Variants in OTUD7A observed in about 807,000 individuals in gnomAD.
OTUD7A encodes the protein OTU deubiquitinase 7A.
Under a neutral mutation model 65.7 loss-of-function variants are expected in OTUD7A, and 12 were observed. The observed-to-expected ratio is 0.18, with a 90% CI of 0.12 to 0.30. OTUD7A has a LOEUF of 0.30. OTUD7A is among the 10% of genes least tolerant of loss of function. The pLI is 1.00. For synonymous variants in OTUD7A, 641 were observed against 586.3 expected, an observed-to-expected ratio of 1.09 and a Z score of -1.35; for missense variants, 1,148 against 1,304.8, an observed-to-expected ratio of 0.88 and a Z score of 1.85.
intron 1 of OTUD7A, among the ~76,000 whole-genome samples, chr15:31,771,745 G>T (rs957542218): frequency 4.6e-5 from 7 of 152,112 alleles, no homozygotes; most frequent in Non-Finnish European, 7.4e-5. Flanking sequence ...TCACTAGCAT[G>T]GCTTCAAAGC....
Position 31,483,493 on chromosome 15 carries a change from C to A in OTUD7A, c.2603G>T (p.Gly868Val), listed in dbSNP as rs1390104779. The A allele has an allele frequency of 1.4e-6, 2 of 1,396,992 alleles. No homozygotes were observed. Among genetic ancestry groups the A allele is most frequent in the Non-Finnish European group, 1.9e-6 (2 of 1,073,738 alleles). 86.5% of individuals were successfully genotyped at this position (1,396,992 alleles called of 1,614,324 possible). ...CGCGTCGGCGTCGGCGAACTCCAGG[C>A]CGTCGCGCAGGGCGCCGAAGCCGTT... ...YTNGFGALRD[G>V]LEFADADAPT... The change falls in exon 13 of 13, where the codon GGC (glycine) becomes GTC (valine). Residue 868 changes from glycine to valine, a missense_variant. By Grantham distance (109) the Gly-to-Val change is moderately radical. Transcript: ENST00000307050.
At chr15:31,777,458 G>A (rs896480620) in intron 1 of OTUD7A, among the ~76,000 whole-genome samples, 10 of 152,336 alleles carry the variant, frequency 6.6e-5, no homozygotes, top group African/African-American at 2.4e-4. Flanking sequence ...ACCTTCATGT[G>A]GACCCTGGAT....
chr15:31,516,456 C>T (rs1383853219), intron 8 of OTUD7A, among the ~76,000 whole-genome samples: 1 of 152,154 alleles, frequency 6.6e-6, no homozygotes, highest in Non-Finnish European at 1.5e-5. Context: ...TAATGATGTT[C>T]CCTACTTGCT....
intron 8 of OTUD7A, among the ~76,000 whole-genome samples, chr15:31,507,904 T>C (rs1190919408): frequency 6.6e-6 from 1 of 152,156 alleles, no homozygotes; most frequent in Non-Finnish European, 1.5e-5. Context: ...CACCTCTCAG[T>C]AGGAGCAGAA....
At chr15:31,817,277 C>CT (rs924007348) in intron 1 of OTUD7A, among the ~76,000 whole-genome samples, 3 of 145,110 alleles carry the variant, frequency 2.1e-5, no homozygotes, top group African/African-American at 7.6e-5. Flanking sequence ...GATCATTTGC[C>CT]CCCCCCCATC....
chr15:31,675,293 A>G (rs35206410), intron 1 of OTUD7A, among the ~76,000 whole-genome samples: 3 of 152,124 alleles, frequency 2.0e-5, no homozygotes, highest in Admixed American at 2.0e-4. Flanking sequence ...GTGGGGTTCT[A>G]GAGATGCCAT....
chr15:31,632,617 G>A (rs1302052516), intron 3 of OTUD7A, among the ~76,000 whole-genome samples: 1 of 152,250 alleles, frequency 6.6e-6, no homozygotes, highest in African/African-American at 2.4e-5. Flanking sequence ...ATCTCCAGCT[G>A]TGTGCTGGGA....
chr15:31,734,445 A>G (rs1383735308), intron 1 of OTUD7A, among the ~76,000 whole-genome samples: 3 of 152,252 alleles, frequency 2.0e-5, no homozygotes, highest in Non-Finnish European at 2.9e-5. Context: ...CTGAATAGCC[A>G]AGATAATCAT....
chr15:31,815,766 T>G (rs1896533048), intron 1 of OTUD7A, among the ~76,000 whole-genome samples: 1 of 152,342 alleles, frequency 6.6e-6, no homozygotes, highest in South Asian at 2.1e-4. Flanking sequence ...GGGGTTGTTT[T>G]GAAAGTTGTG....
chr15:31,756,439 G>A (rs1340524876), intron 1 of OTUD7A, among the ~76,000 whole-genome samples: 1 of 152,272 alleles, frequency 6.6e-6, no homozygotes, highest in East Asian at 1.9e-4. Context: ...TTGCCACTGT[G>A]GTCCCAGAGA....
intron 1 of OTUD7A, among the ~76,000 whole-genome samples, chr15:31,842,107 C>T (rs1462759930): frequency 6.6e-6 from 1 of 152,112 alleles, no homozygotes; most frequent in Admixed American, 6.5e-5. Context: ...GAATCTCACA[C>T]ACATAATATT....
intron 5 of OTUD7A, among the ~76,000 whole-genome samples, chr15:31,541,748 C>T (rs534879568): frequency 3.9e-5 from 6 of 152,092 alleles, no homozygotes; most frequent in Admixed American, 2.6e-4. Flanking sequence ...CATAAGAACT[C>T]GAAAAAAGGC....
rs146571367 is a variant in OTUD7A at position 31,655,872 on chromosome 15, C to T, written c.-4-622G>A. ...AGTTGCTAGATTTCTAATCCTCTTC[C>T]GAATTGTATAGACTTGTAATACTTC... On this transcript the variant is annotated intron_variant, in intron 2 of 12. Transcript: ENST00000307050. Among the ~76,000 whole-genome samples the T allele has an allele frequency of 8.3e-4, 126 of 152,286 alleles. 1 individual carries two copies. Among genetic ancestry groups the T allele is most frequent in the African/African-American group, 2.9e-3 (120 of 41,542 alleles).
intron 3 of OTUD7A, among the ~76,000 whole-genome samples, chr15:31,621,944 T>C (rs1166102783): frequency 6.6e-6 from 1 of 152,234 alleles, no homozygotes; most frequent in African/African-American, 2.4e-5. Flanking sequence ...TCAGGAGCTC[T>C]TGTAGGGCAG....
intron 1 of OTUD7A, among the ~76,000 whole-genome samples, chr15:31,832,355 A>G (rs780564147): frequency 6.6e-5 from 10 of 152,216 alleles, no homozygotes; most frequent in Non-Finnish European, 1.5e-4. Flanking sequence ...ACACTACATC[A>G]CAATACAGAA....
At chr15:31,739,306 G>C (rs1212769616) in intron 1 of OTUD7A, among the ~76,000 whole-genome samples, 1 of 152,062 alleles carries the variant, frequency 6.6e-6, no homozygotes, top group Non-Finnish European at 1.5e-5. Flanking sequence ...CCAGTCCAAT[G>C]CTAAAAGTAT....
intron 1 of OTUD7A, among the ~76,000 whole-genome samples, chr15:31,850,904 A>G (rs1897408657): frequency 2.0e-5 from 3 of 152,224 alleles, no homozygotes; most frequent in Admixed American, 2.0e-4. Context: ...AAACAAAAGC[A>G]GCAGTAATTC....
intron 2 of OTUD7A, among the ~76,000 whole-genome samples, chr15:31,656,194 A>G (rs1485536832): frequency 6.6e-6 from 1 of 152,242 alleles, no homozygotes; most frequent in Non-Finnish European, 1.5e-5. Flanking sequence ...TGACTGTAGC[A>G]GCTGACTGCT....
At chr15:31,734,556 T>G (rs1490201784) in intron 1 of OTUD7A, among the ~76,000 whole-genome samples, 3 of 152,178 alleles carry the variant, frequency 2.0e-5, no homozygotes. Flanking sequence ...CAAAAACAGA[T>G]ACGTAGACCA....
Sources: gnomAD v4.1 joint callset for allele counts (sites outside exome capture counted in the v4.1 genomes callset) on GRCh38, gnomAD v4.1.1 for gene constraint, MANE v1.5 for transcripts, NCBI Gene and HGNC (gene_info 2026-07-23, HGNC 2026-07-21) for gene names.